FAM135B: variants seen among roughly 807,000 people sequenced by gnomAD.
FAM135B encodes the protein family with sequence similarity 135 member B.
A neutral mutation model predicts 127.7 loss-of-function variants in FAM135B; 43 were observed. That is an observed-to-expected ratio of 0.34 (90% CI 0.26 to 0.43). The LOEUF is 0.43. Among genes scored for constraint, FAM135B ranks in the 20% least tolerant of loss-of-function variants. The probability of loss-of-function intolerance (pLI) is 1.00; values close to 1 mark genes in which losing one functional copy is unlikely to be tolerated. For missense variants in FAM135B, 1,558 were observed against 1,725.6 expected (o/e 0.90, Z 1.72); for synonymous variants, 670 against 665.1 (o/e 1.01, Z -0.11).
chr8:138,407,295 G>C (rs200316445), intron 1 of FAM135B, among the ~76,000 whole-genome samples: 1 of 151,868 alleles, frequency 6.6e-6, no homozygotes, highest in Non-Finnish European at 1.5e-5. Context: ...ATGCTCATGG[G>C]TAGGAAGAAT....
At chr8:138,307,213 T>C (rs1040742050) in intron 3 of FAM135B, among the ~76,000 whole-genome samples, 2 of 152,222 alleles carry the variant, frequency 1.3e-5, no homozygotes, top group African/African-American at 2.4e-5. Context: ...ATAGGTCTCA[T>C]GAGATCTGAG....
intron 1 of FAM135B, among the ~76,000 whole-genome samples, chr8:138,419,047 GCA>G (rs983590077): frequency 2.0e-5 from 3 of 152,036 alleles, no homozygotes; most frequent in Non-Finnish European, 2.9e-5. Context: ...CACTTAAAAG[GCA>G]CAGAGTGGCA....
intron 7 of FAM135B, among the ~76,000 whole-genome samples, chr8:138,218,184 C>T (rs539112063): frequency 6.6e-6 from 1 of 152,138 alleles, no homozygotes; most frequent in Admixed American, 6.5e-5. Context: ...CTTGAATTAA[C>T]CAAAAAATGT....
At chr8:138,154,464 G>A (rs1236251201) in intron 12 of FAM135B, among the ~76,000 whole-genome samples, 4 of 152,108 alleles carry the variant, frequency 2.6e-5, no homozygotes, top group African/African-American at 4.8e-5. Flanking sequence ...ACGGAAGTAC[G>A]CTTCAGATGA....
chr8:138,177,664 T>C (rs1471651930), intron 10 of FAM135B, among the ~76,000 whole-genome samples: 1 of 152,216 alleles, frequency 6.6e-6, no homozygotes, highest in Admixed American at 6.5e-5. Context: ...AATCTGTTCT[T>C]GCATTGCTTT....
At chr8:138,311,253 GTTATAGGAAAGTAGGTTA>G (rs1460960112) in intron 2 of FAM135B, among the ~76,000 whole-genome samples, 1 of 152,192 alleles carries the variant, frequency 6.6e-6, no homozygotes, top group Non-Finnish European at 1.5e-5. Flanking sequence ...AAAGGTTATT[GTTATAGGAAAGTAGGTTA>G]TTTACGCACA....
chr8:138,266,779 CACACACACACACAT>C (rs1822970201), intron 3 of FAM135B, among the ~76,000 whole-genome samples: 1 of 4,678 alleles, frequency 2.1e-4, no homozygotes, highest in African/African-American at 6.0e-4. Flanking sequence ...CATATATATA[CACACACACACACAT>C]ACACACACAT....
At chr8:138,478,225 T>C (rs1343571482) in intron 1 of FAM135B, among the ~76,000 whole-genome samples, 1 of 152,112 alleles carries the variant, frequency 6.6e-6, no homozygotes, top group Non-Finnish European at 1.5e-5. Flanking sequence ...TAGTCACACA[T>C]GCTCTCTGAG....
intron 7 of FAM135B, among the ~76,000 whole-genome samples, chr8:138,201,942 A>G (rs1309126029): frequency 1.3e-5 from 2 of 151,944 alleles, no homozygotes; most frequent in Non-Finnish European, 2.9e-5. Flanking sequence ...CCTTACCAAC[A>G]TGGAGAAACT....
At position 138,241,347 on chromosome 8, in the gene FAM135B, C is replaced by G. The variant is rs1313474721; in HGVS notation, c.669+1595G>C. On this transcript the variant is annotated intron_variant, in intron 7 of 19. Coordinates refer to ENST00000395297, the MANE Select transcript of FAM135B (RefSeq NM_015912.4). This position sits in a 1 kb window ranked among gnomAD's most constrained non-coding sequence, Gnocchi z 4.8. Reference sequence around the variant, plus strand: ...CATCTACAAGTCACCGGAGTCTACCCTGGAACTGGTCTTATTTGGCTCTAA... The same window carrying G: ...CATCTACAAGTCACCGGAGTCTACCGTGGAACTGGTCTTATTTGGCTCTAA... 6.6e-6 allele frequency among the ~76,000 whole-genome samples: 1 copy of G among 152,202 alleles called. No individual in the cohort carries two copies. Among genetic ancestry groups the G allele is most frequent in the Non-Finnish European group, 1.5e-5 (1 of 68,036 alleles).
chr8:138,150,650 G>T (rs1818053977), intron 13 of FAM135B, among the ~76,000 whole-genome samples: 1 of 151,068 alleles, frequency 6.6e-6, no homozygotes, highest in Non-Finnish European at 1.5e-5. Context: ...CCTGGCGACA[G>T]AGTGAGACTC....
chr8:138,366,742 G>A (rs904964210), intron 2 of FAM135B, among the ~76,000 whole-genome samples: 1 of 152,174 alleles, frequency 6.6e-6, no homozygotes, highest in African/African-American at 2.4e-5. Flanking sequence ...GTCTAATCTT[G>A]GAGGTAGATT....
At chr8:138,170,636 A>G (rs1485953690) in intron 11 of FAM135B, among the ~76,000 whole-genome samples, 1 of 152,162 alleles carries the variant, frequency 6.6e-6, no homozygotes, top group East Asian at 1.9e-4. Context: ...GGATTATGTG[A>G]TTCCCTATAT....
chr8:138,461,986 G>C (rs1837149671), intron 1 of FAM135B, among the ~76,000 whole-genome samples: 1 of 151,950 alleles, frequency 6.6e-6, no homozygotes, highest in Admixed American at 6.6e-5. Flanking sequence ...TCAGAAGCCT[G>C]ACTCAACTCT....
chr8:138,233,014 C>T (rs1438727746), intron 7 of FAM135B, among the ~76,000 whole-genome samples: 1 of 152,090 alleles, frequency 6.6e-6, no homozygotes, highest in Non-Finnish European at 1.5e-5. Context: ...TATTAGATAC[C>T]TCCTATGAGT....
chr8:138,224,706 C>T (rs867976693), intron 7 of FAM135B, among the ~76,000 whole-genome samples: 2 of 152,042 alleles, frequency 1.3e-5, no homozygotes, highest in Non-Finnish European at 2.9e-5. Flanking sequence ...AAGTCTTATT[C>T]GGAGGTAAGG....
intron 9 of FAM135B, among the ~76,000 whole-genome samples, chr8:138,182,675 G>A (rs1332138710): frequency 2.0e-5 from 3 of 152,176 alleles, no homozygotes; most frequent in Non-Finnish European, 2.9e-5. Flanking sequence ...ACTGTAGAAA[G>A]GTCATGGAAG....
chr8:138,324,264 C>A (rs1198785473), intron 2 of FAM135B, among the ~76,000 whole-genome samples: 1 of 152,192 alleles, frequency 6.6e-6, no homozygotes, highest in East Asian at 1.9e-4. Flanking sequence ...TAAGGTTTTT[C>A]AAACTCCTGC....
chr8:138,176,082 C>T (rs899417787), intron 11 of FAM135B, among the ~76,000 whole-genome samples: 1 of 152,218 alleles, frequency 6.6e-6, no homozygotes, highest in Non-Finnish European at 1.5e-5. Flanking sequence ...ATAACTCTCT[C>T]AAGGACCAAC....
Sources: allele counts gnomAD v4.1 joint callset (sites outside exome capture counted in the v4.1 genomes callset), GRCh38; gene constraint gnomAD v4.1.1; non-coding constraint Gnocchi (gnomAD v3.1); transcripts MANE v1.5; gene names NCBI Gene and HGNC (gene_info 2026-07-23, HGNC 2026-07-21).